Variants in SEL1L2 observed in about 807,000 individuals in gnomAD.
The protein encoded by SEL1L2 is protein sel-1 homolog 2.
A neutral mutation model predicts 98.8 loss-of-function variants in SEL1L2; 89 were observed. That is an observed-to-expected ratio of 0.90 (90% CI 0.76 to 1.07). The LOEUF (loss-of-function observed/expected upper bound fraction) is 1.07. Among genes scored for constraint, SEL1L2 ranks in the 50% least tolerant of loss-of-function variants. The pLI is 0.00. For synonymous variants in SEL1L2, 262 were observed against 278.5 expected, an observed-to-expected ratio of 0.94 and a Z score of 0.59; for missense variants, 788 against 812.0, an observed-to-expected ratio of 0.97 and a Z score of 0.36.
intron 1 of SEL1L2, among the ~76,000 whole-genome samples, chr20:13,980,774 G>A (rs2051777072): frequency 1.3e-5 from 2 of 152,072 alleles, no homozygotes; most frequent in Non-Finnish European, 1.5e-5. Flanking sequence ...AGAAAATGTT[G>A]TATATATATA....
At chr20:13,894,591 A>C (rs2047343360) in intron 5 of SEL1L2, among the ~76,000 whole-genome samples, 1 of 152,174 alleles carries the variant, frequency 6.6e-6, no homozygotes, top group Admixed American at 6.6e-5. Context: ...AAAAATTAAC[A>C]AAATTTGCAA....
chr20:13,899,528 G>T (rs1479143351), intron 5 of SEL1L2, among the ~76,000 whole-genome samples: 1 of 152,180 alleles, frequency 6.6e-6, no homozygotes. Context: ...AAATCAACAA[G>T]AAAGTCAAAG....
At chr20:13,922,432 C>T (rs2048705007) in intron 3 of SEL1L2, among the ~76,000 whole-genome samples, 2 of 152,122 alleles carry the variant, frequency 1.3e-5, no homozygotes, top group South Asian at 2.1e-4. Context: ...AGTAATGGAT[C>T]GTTATTCTTC....
intron 2 of SEL1L2, among the ~76,000 whole-genome samples, chr20:13,935,751 A>G (rs1332971424): frequency 6.6e-6 from 1 of 152,082 alleles, no homozygotes; most frequent in Non-Finnish European, 1.5e-5. Flanking sequence ...AGTGATATTA[A>G]CTGAATTAAA....
At chr20:13,940,550 T>C (rs1055635520) in intron 2 of SEL1L2, among the ~76,000 whole-genome samples, 15 of 152,122 alleles carry the variant, frequency 9.9e-5, no homozygotes, top group Non-Finnish European at 1.8e-4. Flanking sequence ...GAGGAAGATA[T>C]TGCGATCCTA....
intron 1 of SEL1L2, among the ~76,000 whole-genome samples, chr20:13,956,645 A>C (rs1423680023): frequency 1.3e-5 from 2 of 152,158 alleles, no homozygotes; most frequent in African/African-American, 4.8e-5. Flanking sequence ...AATTTGAGAA[A>C]ATAACTTTCA....
At chr20:13,960,838 T>G (rs2050745081) in intron 1 of SEL1L2, among the ~76,000 whole-genome samples, 1 of 152,178 alleles carries the variant, frequency 6.6e-6, no homozygotes, top group Non-Finnish European at 1.5e-5. Context: ...TTAAAAAATC[T>G]CCTTCATTAT....
intron 10 of SEL1L2, among the ~76,000 whole-genome samples, chr20:13,882,810 G>GTT (rs1568889476): frequency 1.7e-5 from 2 of 116,196 alleles, no homozygotes; most frequent in African/African-American, 3.1e-5. Flanking sequence ...AAGTCAATTT[G>GTT]TCTTTTTTTT....
chr20:13,887,546 A>G (rs1177271809), intron 8 of SEL1L2, among the ~76,000 whole-genome samples: 4 of 152,208 alleles, frequency 2.6e-5, no homozygotes. Flanking sequence ...TTGGGGATAC[A>G]TATTAACAAA....
intron 1 of SEL1L2, among the ~76,000 whole-genome samples, chr20:13,987,311 GTTTTTTT>G (rs67919960): frequency 1.5e-5 from 2 of 132,222 alleles, no homozygotes; most frequent in African/African-American, 3.0e-5. Flanking sequence ...TTAATTTACT[GTTTTTTT>G]TTTTTTTTTT....
intron 9 of SEL1L2, 23 bp downstream of exon 9, chr20:13,886,265 T>C (rs1267592497): frequency 6.4e-7 from 1 of 1,559,852 alleles, no homozygotes; most frequent in Admixed American, 1.9e-5. Context: ...TTCTAAAAAC[T>C]CAATCTCATC....
intron 3 of SEL1L2, among the ~76,000 whole-genome samples, chr20:13,925,037 G>A (rs955860562): frequency 8.5e-5 from 13 of 152,120 alleles, no homozygotes; most frequent in Non-Finnish European, 1.9e-4. Flanking sequence ...TACTAGGGAG[G>A]CTGAGGTAGG....
chr20:13,961,858 T>TCTAG (rs2050787182), intron 1 of SEL1L2, among the ~76,000 whole-genome samples: 1 of 152,190 alleles, frequency 6.6e-6, no homozygotes, highest in African/African-American at 2.4e-5. Context: ...GATTTCCAAA[T>TCTAG]TGCCATGGAC....
intron 3 of SEL1L2, among the ~76,000 whole-genome samples, chr20:13,928,479 TTTATC>T (rs2048991442): frequency 6.6e-6 from 1 of 152,176 alleles, no homozygotes; most frequent in African/African-American, 2.4e-5. Flanking sequence ...CATGCAGATT[TTTATC>T]TTATCTATAT....
In SEL1L2 at chr20:13,865,510, T is replaced by C; in HGVS notation, c.1409A>G (p.Tyr470Cys). 6.2e-7 allele frequency: 1 copy of C among 1,613,566 alleles called. No individual in the cohort carries two copies. The highest frequency in any genetic ancestry group is 8.5e-7 in the Non-Finnish European group (1 of 1,179,754). Residue 470 changes from tyrosine (Y) to cysteine (C), a missense_variant, in exon 16 of 20, where the codon TAT becomes TGT. By Grantham distance (194) the Tyr-to-Cys change is radical. Transcript: ENST00000284951. ...GTGGCCTAGTTCACAGACACCTTTA[T>C]AAAGCTGTACATGAGAGGAGAAATC... ...VRSCRTAVEL[Y>C]KGVCELGHWA...
intron 1 of SEL1L2, among the ~76,000 whole-genome samples, chr20:13,958,412 C>T (rs147177075): frequency 1.1e-3 from 171 of 152,236 alleles, no homozygotes; most frequent in African/African-American, 3.8e-3. Flanking sequence ...GGTTATGTTA[C>T]ACATCATTTT....
intron 1 of SEL1L2, among the ~76,000 whole-genome samples, chr20:13,979,857 A>G (rs1342511590): frequency 1.3e-5 from 2 of 152,214 alleles, no homozygotes; most frequent in Non-Finnish European, 2.9e-5. Context: ...AAACAGACAA[A>G]CAGAATTTAC....
intron 12 of SEL1L2, among the ~76,000 whole-genome samples, chr20:13,872,412 C>T (rs2046243784): frequency 1.3e-5 from 2 of 152,146 alleles, no homozygotes; most frequent in African/African-American, 2.4e-5. Context: ...GGGCTTTTCC[C>T]TCTTTTGCTC....
At chr20:13,852,115 C>A (rs1226443630) in intron 18 of SEL1L2, among the ~76,000 whole-genome samples, 1 of 152,188 alleles carries the variant, frequency 6.6e-6, no homozygotes, top group East Asian at 1.9e-4. Flanking sequence ...AGCTTTCATG[C>A]TGCACACGTG....
Sources: gnomAD v4.1 joint callset for allele counts (sites outside exome capture counted in the v4.1 genomes callset) on GRCh38, gnomAD v4.1.1 for gene constraint, MANE v1.5 for transcripts, NCBI Gene and HGNC (gene_info 2026-07-23, HGNC 2026-07-21) for gene names.